The following CSMD1 variants were observed in gnomAD, a reference collection of about 807,000 sequenced individuals.
CSMD1 encodes CUB and Sushi multiple domains 1.
CSMD1 carries 213 observed loss-of-function variants against 417.5 expected under a neutral mutation model. That is an observed-to-expected ratio of 0.51 (90% CI 0.46 to 0.57). The LOEUF is 0.57. CSMD1 is among the 20% of genes least tolerant of loss of function. The pLI is 0.00. For missense variants in CSMD1, 6,923 were observed against 4,529.7 expected (o/e 1.53, Z -15.17); for synonymous variants, 2,862 against 1,736.8 (o/e 1.65, Z -16.11).
intron 7 of CSMD1, among the ~76,000 whole-genome samples, chr8:3,669,376 G>A (rs1239683685): frequency 6.6e-6 from 1 of 152,116 alleles, no homozygotes; most frequent in African/African-American, 2.4e-5. Flanking sequence ...AGGGTCCAAG[G>A]CCTTGAGCTT....
intron 48 of CSMD1, among the ~76,000 whole-genome samples, chr8:3,088,129 G>C (rs952359588): frequency 6.6e-6 from 1 of 152,178 alleles, no homozygotes; most frequent in East Asian, 1.9e-4. Context: ...TCTTTGTAAG[G>C]AGACATTTTA....
chr8:3,200,898 C>T (rs568258065), intron 32 of CSMD1, among the ~76,000 whole-genome samples: 1 of 152,054 alleles, frequency 6.6e-6, no homozygotes, highest in Non-Finnish European at 1.5e-5. Context: ...AGTAAATGTA[C>T]CCAGTACCAA....
At chr8:3,597,726 T>A (rs188178057) in intron 8 of CSMD1, among the ~76,000 whole-genome samples, 1 of 151,712 alleles carries the variant, frequency 6.6e-6, no homozygotes, top group Non-Finnish European at 1.5e-5. Context: ...CTCAGCAAAG[T>A]AACACAAGAA....
intron 50 of CSMD1, among the ~76,000 whole-genome samples, chr8:3,032,500 G>A (rs973806592): frequency 6.6e-6 from 1 of 151,942 alleles, no homozygotes; most frequent in African/African-American, 2.4e-5. Context: ...CCTTTATCTT[G>A]GTCCAATAAA....
chr8:4,402,325 T>G (rs1015059862), intron 3 of CSMD1, among the ~76,000 whole-genome samples: 1 of 151,992 alleles, frequency 6.6e-6, no homozygotes. Context: ...TTCAAATCTA[T>G]ACTTCATCAT....
At chr8:3,983,342 G>C (rs1356165117) in intron 5 of CSMD1, among the ~76,000 whole-genome samples, 1 of 152,010 alleles carries the variant, frequency 6.6e-6, no homozygotes, top group Non-Finnish European at 1.5e-5. Context: ...GTGTTGGCCA[G>C]GATGGTCTCC....
At chr8:4,169,788 C>T (rs1333868562) in intron 3 of CSMD1, among the ~76,000 whole-genome samples, 17 of 152,118 alleles carry the variant, frequency 1.1e-4, no homozygotes, top group Admixed American at 9.2e-4. Flanking sequence ...TACCGTTAAA[C>T]GTATCTTCCT....
intron 46 of CSMD1, among the ~76,000 whole-genome samples, chr8:3,103,995 G>A (rs1172970447): frequency 6.6e-5 from 10 of 151,824 alleles, no homozygotes; most frequent in Non-Finnish European, 7.4e-5. Flanking sequence ...TGCCCACCTC[G>A]GCCTCCCAAA....
chr8:3,313,534 G>T (rs953593716), intron 23 of CSMD1, among the ~76,000 whole-genome samples: 19 of 152,208 alleles, frequency 1.2e-4, no homozygotes, highest in African/African-American at 4.6e-4. Flanking sequence ...CTGGCCATCA[G>T]AGAAATGCAA....
intron 10 of CSMD1, among the ~76,000 whole-genome samples, chr8:3,548,759 A>C (rs1798785571): frequency 6.6e-6 from 1 of 151,420 alleles, no homozygotes; most frequent in Non-Finnish European, 1.5e-5. Context: ...CTAAAGAGTA[A>C]GCCCGGCCAA....
chr8:3,273,609 C>G (rs1011512086), intron 26 of CSMD1, among the ~76,000 whole-genome samples: 1 of 152,154 alleles, frequency 6.6e-6, no homozygotes, highest in Non-Finnish European at 1.5e-5. Context: ...ACAATTTCAG[C>G]TCCTGTTTTT....
chr8:3,458,590 T>G (rs1028628408), intron 12 of CSMD1, among the ~76,000 whole-genome samples: 6 of 152,238 alleles, frequency 3.9e-5, no homozygotes, highest in African/African-American at 1.4e-4. Flanking sequence ...AAATCCTATG[T>G]TCATCTTATT....
intron 60 of CSMD1, among the ~76,000 whole-genome samples, chr8:2,963,015 T>G (rs955436406): frequency 6.6e-6 from 1 of 152,134 alleles, no homozygotes; most frequent in African/African-American, 2.4e-5. Context: ...ACCACTGCAC[T>G]CCATCCTGGG....
chr8:3,166,221 G>A (rs1348494782), intron 37 of CSMD1, among the ~76,000 whole-genome samples: 1 of 152,058 alleles, frequency 6.6e-6, no homozygotes, highest in Non-Finnish European at 1.5e-5. Flanking sequence ...AATTATGTAT[G>A]ATAATTCTTA....
At chr8:4,899,047 C>T (rs181201872) in intron 1 of CSMD1, among the ~76,000 whole-genome samples, 10 of 152,250 alleles carry the variant, frequency 6.6e-5, no homozygotes, top group Middle Eastern at 3.4e-3. Flanking sequence ...TTGGGGACAG[C>T]TTGATCATTT....
At chr8:4,510,977 G>C (rs933860736) in intron 2 of CSMD1, among the ~76,000 whole-genome samples, 1 of 150,032 alleles carries the variant, frequency 6.7e-6, no homozygotes, top group African/African-American at 2.5e-5. Context: ...GAATATACTT[G>C]ACAATCTCTA....
At chr8:3,285,324 T>C (rs1049083709) in intron 25 of CSMD1, among the ~76,000 whole-genome samples, 3 of 152,110 alleles carry the variant, frequency 2.0e-5, no homozygotes, top group Admixed American at 2.0e-4. Flanking sequence ...TCCTTAAATA[T>C]AGAGAAAAGT....
intron 48 of CSMD1, among the ~76,000 whole-genome samples, chr8:3,089,383 G>T (rs769164036): frequency 6.6e-6 from 1 of 152,220 alleles, no homozygotes; most frequent in South Asian, 2.1e-4. Flanking sequence ...AATTCAGCCT[G>T]CGCTTAGCAC....
intron 3 of CSMD1, among the ~76,000 whole-genome samples, chr8:4,314,944 G>A (rs1798836905): frequency 6.6e-6 from 1 of 152,144 alleles, no homozygotes; most frequent in Admixed American, 6.5e-5. Context: ...AAGTGGGGTT[G>A]ACATTCTACA....
Sources: allele counts gnomAD v4.1 joint callset (sites outside exome capture counted in the v4.1 genomes callset), GRCh38; gene constraint gnomAD v4.1.1; transcripts MANE v1.5; gene names NCBI Gene and HGNC (gene_info 2026-07-23, HGNC 2026-07-21).